The following RGS13 variants were observed in gnomAD, a reference collection of about 807,000 sequenced individuals.
The protein encoded by RGS13 is regulator of G-protein signalling 13.
A neutral mutation model predicts 19.9 loss-of-function variants in RGS13; 14 were observed. That is an observed-to-expected ratio of 0.70 (90% CI 0.46 to 1.10). The LOEUF (loss-of-function observed/expected upper bound fraction) is 1.10. Ranked by LOEUF, RGS13 falls within the 50% of genes least tolerant of loss-of-function variation. The pLI is 0.00. For missense variants in RGS13, 205 were observed against 187.1 expected (o/e 1.10, Z -0.56); for synonymous variants, 60 against 56.8 (o/e 1.06, Z -0.25).
At chr1:192,644,501 A>C in intron 4 of RGS13, 102 bp downstream of exon 4, 1 of 933,568 alleles carries the variant, frequency 1.1e-6, no homozygotes, top group Non-Finnish European at 1.7e-6. Flanking sequence ...TTTTGTTCAG[A>C]AAGTAAAATT....
intron 4 of RGS13, 146 bp downstream of exon 4, chr1:192,644,545 C>A: frequency 1.6e-6 from 1 of 626,676 alleles, no homozygotes. Context: ...ATCAGAAGAG[C>A]AGTCATATGT....
intron 3 of RGS13, among the ~76,000 whole-genome samples, chr1:192,640,914 T>C (rs1663092553): frequency 6.6e-6 from 1 of 152,136 alleles, no homozygotes; most frequent in South Asian, 2.1e-4. Flanking sequence ...TTCTTTCTTC[T>C]GTGTTTTCAA....
intron 5 of RGS13, among the ~76,000 whole-genome samples, chr1:192,652,973 T>C (rs2102036448): frequency 1.3e-5 from 2 of 152,188 alleles, no homozygotes; most frequent in South Asian, 4.1e-4. Context: ...TAATAGATTT[T>C]TGCTTTAAAG....
intron 5 of RGS13, among the ~76,000 whole-genome samples, chr1:192,651,446 G>A (rs922127899): frequency 2.1e-4 from 31 of 149,324 alleles, no homozygotes; most frequent in African/African-American, 6.7e-4. Flanking sequence ...GGTCAATACC[G>A]AAAGTTTGAG....
At position 192,644,415 on chromosome 1, in the gene RGS13, G is replaced by T; in HGVS notation, c.65+16G>T. ...CCCCTTCAAAGTAAGTAGCATTTAA[G>T]TTTCTATGGTAATTGTAAAGCATAT... is the stretch of plus-strand genomic sequence containing the variant. On this transcript the variant is annotated intron_variant, in intron 4 of 6. Coordinates refer to ENST00000391995, the MANE Select transcript of RGS13 (RefSeq NM_002927.5). 6.4e-7 allele frequency: 1 copy of T among 1,562,936 alleles called. No homozygotes were observed. Among genetic ancestry groups the T allele is most frequent in the South Asian group, 1.1e-5 (1 of 88,992 alleles).
intron 2 of RGS13, among the ~76,000 whole-genome samples, 191 bp from the exon 3 acceptor site, chr1:192,637,973 T>C (rs1412398850): frequency 1.3e-5 from 2 of 152,174 alleles, no homozygotes; most frequent in African/African-American, 4.8e-5. Context: ...TTCTTAGAAG[T>C]TCTCAATTGT....
intron 4 of RGS13, 76 bp from the exon 5 acceptor site, chr1:192,647,850 T>C (rs1663248543): frequency 1.2e-6 from 1 of 849,604 alleles, no homozygotes; most frequent in Non-Finnish European, 1.8e-6. Flanking sequence ...ATTTTCAAGA[T>C]AATATAATTT....
chr1:192,658,164 A>G, intron 5 of RGS13, 37 bp from the exon 6 acceptor site: 3 of 1,518,980 alleles, frequency 2.0e-6, no homozygotes, highest in Non-Finnish European at 2.7e-6. Flanking sequence ...GGTGATTTTG[A>G]CCCATGAAAA....
intron 5 of RGS13, among the ~76,000 whole-genome samples, chr1:192,653,826 T>C (rs1663385980): frequency 6.6e-6 from 1 of 151,902 alleles, no homozygotes; most frequent in South Asian, 2.1e-4. Context: ...TAAAAGGAAA[T>C]ATACCAAATT....
chr1:192,647,847 A>C, intron 4 of RGS13, 79 bp from the exon 5 acceptor site: 1 of 825,736 alleles, frequency 1.2e-6, no homozygotes, highest in Non-Finnish European at 1.9e-6. Flanking sequence ...GTCATTTTCA[A>C]GATAATATAA....
chr1:192,652,268 T>C (rs959792779), intron 5 of RGS13, among the ~76,000 whole-genome samples: 1 of 152,098 alleles, frequency 6.6e-6, no homozygotes, highest in Non-Finnish European at 1.5e-5. Flanking sequence ...CTCAGCATCA[T>C]GGCACAGAGC....
chr1:192,646,289 TC>T (rs1224067252), intron 4 of RGS13: 1 of 152,176 alleles, frequency 6.6e-6, no homozygotes, highest in Non-Finnish European at 1.5e-5. Flanking sequence ...TAACTAATCC[TC>T]CTTCATTGTG....
In RGS13 at chr1:192,644,376, T is replaced by C. The variant is rs754609069; in HGVS notation, c.42T>C (p.Asp14=). 41 of 1,611,860 alleles carry C rather than the reference T, an allele frequency of 2.5e-5. No homozygotes were observed. Among genetic ancestry groups the C allele is most frequent in the Non-Finnish European group, 3.3e-5 (39 of 1,178,578 alleles). ...GTTGGATTTGTAAGATGTGCAGAGA[T>C]GAATCTAAGAGGCCCCCTTCAAAGT... The part of the protein sequence containing the change: ...RNCWICKMCR[D]ESKRPPSNLT... Residue 14 remains aspartate (D), a synonymous_variant, in exon 4 of 7, where the codon GAT becomes GAC. Transcript: ENST00000391995.
In RGS13 at chr1:192,647,963, T is replaced by G; in HGVS notation, c.103T>G (p.Phe35Val). The part of the protein sequence containing the change: ...LEEVLQWAQS[F>V]ENLMATKYGP... ...GGAAGTATTACAGTGGGCCCAGTCT[T>G]TTGAAAATTTAATGGCTACAAAATG... The change falls in exon 5 of 7, where the codon TTT (phenylalanine) becomes GTT (valine). Residue 35 changes from phenylalanine to valine, a missense_variant. Coordinates refer to ENST00000391995, the MANE Select transcript of RGS13 (RefSeq NM_002927.5). The G allele has an allele frequency of 6.2e-7, 1 of 1,601,442 alleles. No homozygotes were observed. The highest frequency in any genetic ancestry group is 1.1e-5 in the South Asian group (1 of 89,428).
At chr1:192,638,720 T>A (rs1663055122) in intron 3 of RGS13, among the ~76,000 whole-genome samples, 4 of 152,142 alleles carry the variant, frequency 2.6e-5, no homozygotes, top group Admixed American at 2.6e-4. Flanking sequence ...CTATTTATTC[T>A]ATGCATAACA....
chr1:192,656,084 T>A (rs1663432789), intron 5 of RGS13, among the ~76,000 whole-genome samples: 1 of 152,082 alleles, frequency 6.6e-6, no homozygotes, highest in African/African-American at 2.4e-5. Flanking sequence ...CCTATAAACA[T>A]TTTACTACAT....
intron 1 of RGS13, among the ~76,000 whole-genome samples, chr1:192,636,831 GCA>G (rs1199862369): frequency 6.6e-6 from 1 of 151,800 alleles, no homozygotes; most frequent in African/African-American, 2.4e-5. Context: ...GCACAACTAT[GCA>G]CAAATTTCTT....
rs917456189 is a variant in RGS13, at chr1:192,659,710, A to C, written c.*187A>C. ...GGAATCTAGAATTCTTATAACATGA[A>C]TAACAAAATGTACAGCAAGCCTATG... On this transcript the variant is annotated 3_prime_UTR_variant, in exon 7 of 7. Coordinates refer to ENST00000391995, the MANE Select transcript of RGS13 (RefSeq NM_002927.5). The C allele has an allele frequency of 3.6e-6, 2 of 550,660 alleles. No individual in the cohort carries two copies. The highest frequency in any genetic ancestry group is 6.4e-6 in the Non-Finnish European group (2 of 313,976). 34.1% of individuals were successfully genotyped at this position (550,660 alleles called of 1,614,324 possible). A position where few individuals can be genotyped will look rare whatever the true frequency, so the allele number is the denominator to read the frequency against.
chr1:192,653,646 A>C (rs1346295534), intron 5 of RGS13, among the ~76,000 whole-genome samples: 1 of 152,096 alleles, frequency 6.6e-6, no homozygotes, highest in Admixed American at 6.6e-5. Context: ...TTAAAAATGA[A>C]AAAGAGAAAG....
Sources: allele counts gnomAD v4.1 joint callset (sites outside exome capture counted in the v4.1 genomes callset), GRCh38; gene constraint gnomAD v4.1.1; transcripts MANE v1.5; gene names NCBI Gene and HGNC (gene_info 2026-07-23, HGNC 2026-07-21).